DAAM1: variants seen among roughly 807,000 people sequenced by gnomAD.
DAAM1 encodes disheveled-associated activator of morphogenesis 1.
A neutral mutation model predicts 130.0 loss-of-function variants in DAAM1; 52 were observed. The ratio of observed to expected loss-of-function variants is 0.40; its 90% confidence interval spans 0.32 to 0.50. DAAM1 has a LOEUF of 0.50. Among genes scored for constraint, DAAM1 ranks in the 20% least tolerant of loss-of-function variants. The pLI is 0.61. For synonymous variants in DAAM1, 452 were observed against 444.5 expected, an observed-to-expected ratio of 1.02 and a Z score of -0.21; for missense variants, 1,134 against 1,303.8, an observed-to-expected ratio of 0.87 and a Z score of 2.01.
At chr14:59,268,265 G>A (rs1242615826) in intron 2 of DAAM1, among the ~76,000 whole-genome samples, 1 of 152,126 alleles carries the variant, frequency 6.6e-6, no homozygotes. Context: ...TTGGGCTGTT[G>A]CCAGTTTTTG....
At chr14:59,319,452 A>C (rs1181287624) in intron 4 of DAAM1, among the ~76,000 whole-genome samples, 1 of 152,232 alleles carries the variant, frequency 6.6e-6, no homozygotes, top group Non-Finnish European at 1.5e-5. Flanking sequence ...AGACTGGGTC[A>C]TTGAGACCCA....
intron 1 of DAAM1, among the ~76,000 whole-genome samples, chr14:59,240,294 T>C (rs1402179750): frequency 2.0e-5 from 3 of 152,176 alleles, no homozygotes; most frequent in Non-Finnish European, 4.4e-5. Context: ...ATCACGCATA[T>C]ACAAATTAGC....
intron 1 of DAAM1, among the ~76,000 whole-genome samples, chr14:59,256,791 A>G (rs1226432168): frequency 1.3e-5 from 2 of 152,194 alleles, no homozygotes; most frequent in Admixed American, 1.3e-4. Context: ...GCACTAGACT[A>G]TGATCTCCCA....
At chr14:59,226,538 G>T (rs1888948918) in intron 1 of DAAM1, among the ~76,000 whole-genome samples, 1 of 152,130 alleles carries the variant, frequency 6.6e-6, no homozygotes, top group Non-Finnish European at 1.5e-5. Flanking sequence ...CAGGATTGGG[G>T]GTGGGATGGG....
chr14:59,273,789 G>A (rs991983097), intron 2 of DAAM1, among the ~76,000 whole-genome samples: 1 of 152,196 alleles, frequency 6.6e-6, no homozygotes, highest in Non-Finnish European at 1.5e-5. Flanking sequence ...TTCAGTAATG[G>A]CTAGAAGGAT....
intron 2 of DAAM1, among the ~76,000 whole-genome samples, chr14:59,280,038 C>A (rs1049337966): frequency 6.6e-6 from 1 of 152,046 alleles, no homozygotes; most frequent in Non-Finnish European, 1.5e-5. Flanking sequence ...GCATTGAGAT[C>A]GTACTTAACA....
chr14:59,212,844 A>G (rs2139413687), intron 1 of DAAM1, among the ~76,000 whole-genome samples: 1 of 152,328 alleles, frequency 6.6e-6, no homozygotes, highest in African/African-American at 2.4e-5. Flanking sequence ...ATCTTTTAGA[A>G]TGTTCCTTTT....
intron 1 of DAAM1, among the ~76,000 whole-genome samples, chr14:59,259,306 C>T (rs1882058813): frequency 6.6e-6 from 1 of 152,158 alleles, no homozygotes; most frequent in African/African-American, 2.4e-5. Flanking sequence ...ATGGAGGTCA[C>T]AAAATGCTAA....
intron 16 of DAAM1, among the ~76,000 whole-genome samples, chr14:59,345,211 G>T (rs190081161): frequency 1.3e-5 from 2 of 152,160 alleles, no homozygotes; most frequent in East Asian, 1.9e-4. Flanking sequence ...TAGCTAAATT[G>T]TTCCATTTAA....
chr14:59,333,894 C>T (rs995893802), intron 15 of DAAM1, among the ~76,000 whole-genome samples: 2 of 152,262 alleles, frequency 1.3e-5, no homozygotes, highest in Non-Finnish European at 2.9e-5. Context: ...CTCTGGGAGA[C>T]AAGATTGCAG....
chr14:59,331,404 A>G lies in DAAM1; in HGVS notation c.1756A>G (p.Ile586Val), dbSNP rs149502429. ...CCCAGGGCCTCCTCCCTTAGGGGCA[A>G]TCATGCCACCTCCTGGTGCTCCAAT... Reference protein sequence around the residue: ...PPPGPPPLGAIMPPPGAPMGL... With the variant: ...PPPGPPPLGAVMPPPGAPMGL... Residue 586 changes from isoleucine (I) to valine (V), a missense_variant, in exon 14 of 25, where the codon ATC (isoleucine) becomes GTC (valine). By Grantham distance (29) the Ile-to-Val change is conservative (BLOSUM62 3). Coordinates refer to ENST00000360909, the MANE Select transcript of DAAM1 (RefSeq NM_001270520.2). 5.0e-6 allele frequency: 8 copies of G among 1,613,524 alleles called. No homozygotes were observed. The highest frequency in any genetic ancestry group is 3.3e-5 in the South Asian group (3 of 91,042).
At chr14:59,276,574 A>G (rs1882978847) in intron 2 of DAAM1, among the ~76,000 whole-genome samples, 1 of 152,224 alleles carries the variant, frequency 6.6e-6, no homozygotes, top group South Asian at 2.1e-4. Flanking sequence ...GAAGGCTTGC[A>G]GCCTGCTGGG....
At chr14:59,339,358 A>G (rs1306590863) in intron 15 of DAAM1, among the ~76,000 whole-genome samples, 2 of 152,136 alleles carry the variant, frequency 1.3e-5, no homozygotes, top group Non-Finnish European at 2.9e-5. Flanking sequence ...ATTATTACCA[A>G]TACTCCTGAT....
At chr14:59,238,136 G>A (rs962870632) in intron 1 of DAAM1, among the ~76,000 whole-genome samples, 1 of 152,082 alleles carries the variant, frequency 6.6e-6, no homozygotes, top group Non-Finnish European at 1.5e-5. Context: ...AGTTCAAGGG[G>A]ATCCGAGGTA....
At chr14:59,240,159 G>A (rs1889431773) in intron 1 of DAAM1, among the ~76,000 whole-genome samples, 1 of 152,184 alleles carries the variant, frequency 6.6e-6, no homozygotes, top group Non-Finnish European at 1.5e-5. Flanking sequence ...TGGCTAGAGG[G>A]GGGTATGGCT....
intron 1 of DAAM1, among the ~76,000 whole-genome samples, chr14:59,257,606 T>C (rs1369634853): frequency 6.6e-6 from 1 of 152,184 alleles, no homozygotes; most frequent in African/African-American, 2.4e-5. Flanking sequence ...CGCACGTGCC[T>C]GCGTATGAGG....
At chr14:59,337,314 A>C (rs1885665875) in intron 15 of DAAM1, among the ~76,000 whole-genome samples, 1 of 152,220 alleles carries the variant, frequency 6.6e-6, no homozygotes, top group Admixed American at 6.5e-5. Context: ...TCAGAGGAGT[A>C]TCCATTGTTT....
intron 1 of DAAM1, among the ~76,000 whole-genome samples, chr14:59,236,569 T>C (rs1181600821): frequency 6.6e-6 from 1 of 152,184 alleles, no homozygotes; most frequent in Admixed American, 6.6e-5. Flanking sequence ...CCAGATGTTA[T>C]CTTCATGACT....
intron 2 of DAAM1, among the ~76,000 whole-genome samples, chr14:59,285,335 A>G (rs1883395658): frequency 6.6e-6 from 1 of 152,134 alleles, no homozygotes; most frequent in African/African-American, 2.4e-5. Flanking sequence ...ATGAAAGAAC[A>G]ATACCTGCCA....
Sources: allele counts gnomAD v4.1 joint callset (sites outside exome capture counted in the v4.1 genomes callset), GRCh38; gene constraint gnomAD v4.1.1; transcripts MANE v1.5; gene names NCBI Gene and HGNC (gene_info 2026-07-23, HGNC 2026-07-21).